Variants in HOOK3 observed in about 807,000 individuals in gnomAD.
HOOK3 encodes the protein protein Hook homolog 3.
A neutral mutation model predicts 116.3 loss-of-function variants in HOOK3; 24 were observed. The ratio of observed to expected loss-of-function variants is 0.21; its 90% CI spans 0.15 to 0.29. The LOEUF is 0.29. Among genes scored for constraint, HOOK3 ranks in the 10% least tolerant of loss-of-function variants. HOOK3 has a pLI of 1.00. For missense variants in HOOK3, 632 were observed against 830.2 expected, an observed-to-expected ratio of 0.76 and a Z score of 2.93; for synonymous variants, 275 against 283.0, an observed-to-expected ratio of 0.97 and a Z score of 0.28.
intron 2 of HOOK3, among the ~76,000 whole-genome samples, chr8:42,906,914 T>C (rs1001743144): frequency 1.3e-5 from 2 of 152,252 alleles, no homozygotes; most frequent in East Asian, 1.9e-4. Flanking sequence ...CAGTTCCTCC[T>C]AGTTTAATAT....
chr8:42,953,255 T>TAAAAAA (rs71231878), intron 6 of HOOK3, among the ~76,000 whole-genome samples: 1 of 107,424 alleles, frequency 9.3e-6, no homozygotes, highest in Admixed American at 9.5e-5. Context: ...GAGTTTATCC[T>TAAAAAA]AAAAAAAAAA....
At chr8:42,987,513 G>C (rs1224545738) in intron 15 of HOOK3, among the ~76,000 whole-genome samples, 1 of 152,162 alleles carries the variant, frequency 6.6e-6, no homozygotes, top group African/African-American at 2.4e-5. Context: ...TGTTGGTGTG[G>C]GGAGAGCAGT....
At chr8:42,947,984 T>A (rs1324933084) in intron 5 of HOOK3, among the ~76,000 whole-genome samples, 1 of 152,184 alleles carries the variant, frequency 6.6e-6, no homozygotes, top group Non-Finnish European at 1.5e-5. Context: ...TGCACATTTG[T>A]CTTGGCTATC....
intron 4 of HOOK3, among the ~76,000 whole-genome samples, chr8:42,942,651 T>C (rs1479738895): frequency 2.0e-5 from 3 of 152,268 alleles, no homozygotes; most frequent in Admixed American, 1.3e-4. Flanking sequence ...TTTTGCCTAT[T>C]TTTAATGTTG....
At chr8:42,974,632 C>T (rs1054034008) in intron 13 of HOOK3, among the ~76,000 whole-genome samples, 1 of 152,222 alleles carries the variant, frequency 6.6e-6, no homozygotes, top group Non-Finnish European at 1.5e-5. Flanking sequence ...GGCCCACGTG[C>T]GCTCCTCCTC....
chr8:42,966,230 G>A (rs1035343173), intron 9 of HOOK3, among the ~76,000 whole-genome samples: 3 of 152,068 alleles, frequency 2.0e-5, no homozygotes, highest in African/African-American at 7.2e-5. Context: ...TCAGAAAAAT[G>A]TTGCATGATG....
chr8:43,012,209 T>C (rs984370918), intron 19 of HOOK3, among the ~76,000 whole-genome samples: 1 of 152,224 alleles, frequency 6.6e-6, no homozygotes, highest in African/African-American at 2.4e-5. Context: ...GATTTTGTCA[T>C]TGTGCAAACA....
chr8:42,973,319 G>A lies in HOOK3; in HGVS notation c.1153G>A (p.Glu385Lys). 6.2e-7 allele frequency: 1 copy of A among 1,611,908 alleles called. No individual in the cohort carries two copies. The highest frequency in any genetic ancestry group is 8.5e-7 in the Non-Finnish European group (1 of 1,179,274). The change falls in exon 12 of 22, where the codon GAA becomes AAA. Residue 385 changes from glutamate (E) to lysine (K), a missense_variant. Glu to Lys is a moderately conservative substitution (Grantham distance 56, BLOSUM62 1). Coordinates refer to ENST00000307602, the MANE Select transcript of HOOK3 (RefSeq NM_032410.4). ...AGAACTACAAAACAGATTATCCGAA[G>A]AATCAAAGAAAGCAGATAAACTAGA... ...VVELQNRLSE[E>K]SKKADKLDFE...
At chr8:42,904,306 C>CTTTTTT (rs753501072) in intron 1 of HOOK3, among the ~76,000 whole-genome samples, 4 of 122,440 alleles carry the variant, frequency 3.3e-5, no homozygotes, top group Non-Finnish European at 3.4e-5. Context: ...CCGGTATGAT[C>CTTTTTT]TTTTTTTTTT....
At chr8:42,932,377 C>T (rs931117680) in intron 4 of HOOK3, among the ~76,000 whole-genome samples, 82 of 151,832 alleles carry the variant, frequency 5.4e-4, no homozygotes, top group African/African-American at 1.8e-3. Flanking sequence ...TAAAGTATTA[C>T]GATAAAAAAG....
At chr8:42,941,227 A>G (rs948909351) in intron 4 of HOOK3, among the ~76,000 whole-genome samples, 5 of 148,428 alleles carry the variant, frequency 3.4e-5, no homozygotes, top group African/African-American at 4.9e-5. Context: ...GATTAAAGGC[A>G]TGAGCCGGCT....
chr8:42,930,003 T>G, intron 3 of HOOK3, 119 bp from the exon 4 acceptor site: 2 of 835,498 alleles, frequency 2.4e-6, no homozygotes, highest in Non-Finnish European at 3.6e-6. Flanking sequence ...TGAATTTTAT[T>G]TGTTAATATT....
intron 11 of HOOK3, among the ~76,000 whole-genome samples, chr8:42,971,887 C>T (rs1338945092): frequency 1.3e-5 from 2 of 151,900 alleles, no homozygotes; most frequent in Non-Finnish European, 2.9e-5. Context: ...CACCATGTTG[C>T]CCCCAGGGTG....
rs747281552 is a variant in HOOK3, at chr8:42,973,424, G to A, written c.1233+25G>A. On this transcript the variant is annotated intron_variant, in intron 12 of 21. Transcript: ENST00000307602. ...CGTGAGTATATATATTAGGCATTTT[G>A]GTTTTGAGCACTGCTAAAATTAAGG... The A allele has an allele frequency of 4.0e-6, 6 of 1,502,506 alleles. No individual in the cohort carries two copies. The East Asian group carries it at 1.1e-4, about 28-fold the overall frequency. 93.1% of individuals were successfully genotyped at this position (1,502,506 alleles called of 1,614,324 possible).
rs1481183387 is a variant in HOOK3, at chr8:43,021,605, T to G, written c.*3107T>G. 2 of 178,806 alleles carry G rather than the reference T, an allele frequency of 1.1e-5. No individual in the cohort carries two copies. Among genetic ancestry groups the G allele is most frequent in the African/African-American group, 4.8e-5 (2 of 42,084 alleles). 11.1% of individuals were successfully genotyped at this position (178,806 alleles called of 1,614,324 possible). A position where few individuals can be genotyped will look rare whatever the true frequency, so the allele number is the denominator to read the frequency against. On this transcript the variant is annotated 3_prime_UTR_variant, in exon 22 of 22. Transcript: ENST00000307602. ...CACGAGCCACCGCGCCCAGTCGTAC[T>G]TCTGACTTTTCTTCAGCATCTGTTG...
chr8:42,917,849 T>TTC (rs1208316918), intron 2 of HOOK3, among the ~76,000 whole-genome samples: 26 of 152,214 alleles, frequency 1.7e-4, no homozygotes, highest in Non-Finnish European at 3.4e-4. Flanking sequence ...TTATTTTGAC[T>TTC]TAGGGGCTTA....
At chr8:42,936,949 A>G (rs1807983205) in intron 4 of HOOK3, among the ~76,000 whole-genome samples, 1 of 152,146 alleles carries the variant, frequency 6.6e-6, no homozygotes, top group African/African-American at 2.4e-5. Context: ...TGTTTGGAAT[A>G]GTTTCAGAAG....
chr8:42,905,584 T>C (rs1807289755), intron 1 of HOOK3, among the ~76,000 whole-genome samples: 1 of 152,082 alleles, frequency 6.6e-6, no homozygotes, highest in African/African-American at 2.4e-5. Flanking sequence ...GAACGTGCCG[T>C]GATTTTCATA....
Position 42,961,842 on chromosome 8 carries a change from A to G in HOOK3, c.616-2469A>G, listed in dbSNP as rs140728833. Among the ~76,000 whole-genome samples, 1,205 of 152,234 alleles carry G rather than the reference A, an allele frequency of 7.9e-3. 17 individuals are homozygous for G. The highest frequency in any genetic ancestry group is 0.027 in the African/African-American group (1,118 of 41,528). ...CACTCTGTCACCCAGGCTAGAGTGC[A>G]GTGGTGCAATCTTGGCTCACTGCAA... On this transcript the variant is annotated intron_variant, in intron 8 of 21. Transcript: ENST00000307602.
Sources: allele counts gnomAD v4.1 joint callset (sites outside exome capture counted in the v4.1 genomes callset), GRCh38; gene constraint gnomAD v4.1.1; transcripts MANE v1.5; gene names NCBI Gene and HGNC (gene_info 2026-07-23, HGNC 2026-07-21).